Variants in HPSE2 observed in about 807,000 individuals in gnomAD.
HPSE2 encodes heparanase 2 (inactive).
A neutral mutation model predicts 60.5 loss-of-function variants in HPSE2; 38 were observed. The observed-to-expected ratio is 0.63, with a 90% CI of 0.48 to 0.82. HPSE2 has a LOEUF of 0.82. Among genes scored for constraint, HPSE2 ranks in the 40% least tolerant of loss-of-function variants. The pLI is 0.00. For missense variants in HPSE2, 713 were observed against 740.4 expected, an observed-to-expected ratio of 0.96 and a Z score of 0.43; for synonymous variants, 295 against 293.2, an observed-to-expected ratio of 1.01 and a Z score of -0.06.
At chr10:98,646,336 A>T (rs1313960951) in intron 6 of HPSE2, among the ~76,000 whole-genome samples, 27 of 147,428 alleles carry the variant, frequency 1.8e-4, no homozygotes, top group African/African-American at 6.7e-4. Context: ...TTTTTTTTTT[A>T]AAAAAACCCT....
chr10:99,244,257 T>C, the HPSE2 span, among the ~76,000 whole-genome samples: 1 of 152,002 alleles, frequency 6.6e-6, no homozygotes, highest in African/African-American at 2.4e-5. Flanking sequence ...GACCTCGTGA[T>C]CCGCCCACCT....
rs1257953073 is a variant in HPSE2, at chr10:98,744,012, G to T, written c.655C>A (p.Leu219Ile). ...GCATTTAGAGCAAATATCAGGTGGA[G>T]TCCAGAGCAATCAGCAAAGTTATAA... ...KLYNFADCSG[L>I]HLIFALNALR... is the part of the protein sequence containing the mutation. The change falls in exon 4 of 12, where the codon CTC becomes ATC. Residue 219 changes from leucine to isoleucine, a missense_variant. Coordinates refer to ENST00000370552, the MANE Select transcript of HPSE2 (RefSeq NM_021828.5). 6.2e-7 allele frequency: 1 copy of T among 1,614,132 alleles called. No individual in the cohort carries two copies. The highest frequency in any genetic ancestry group is 2.2e-5 in the East Asian group (1 of 44,880).
At chr10:98,997,508 G>A (rs1956676434) in intron 3 of HPSE2, among the ~76,000 whole-genome samples, 1 of 152,068 alleles carries the variant, frequency 6.6e-6, no homozygotes, top group Non-Finnish European at 1.5e-5. Context: ...AAGTCTAACT[G>A]GATTATATAC....
chr10:98,819,509 C>T (rs748960707), intron 3 of HPSE2, among the ~76,000 whole-genome samples: 2 of 150,162 alleles, frequency 1.3e-5, no homozygotes, highest in African/African-American at 4.9e-5. Context: ...TGGCCATTAC[C>T]TTTTCCCATA....
intron 11 of HPSE2, among the ~76,000 whole-genome samples, chr10:98,473,771 GCA>G (rs1940884712): frequency 6.6e-6 from 1 of 152,078 alleles, no homozygotes; most frequent in African/African-American, 2.4e-5. Context: ...AGTAGAAAGG[GCA>G]AGAAAACACC....
At chr10:98,839,368 G>C (rs1951861046) in intron 3 of HPSE2, among the ~76,000 whole-genome samples, 1 of 152,110 alleles carries the variant, frequency 6.6e-6, no homozygotes, top group African/African-American at 2.4e-5. Flanking sequence ...ATGTAAGATG[G>C]AGATTAGGCA....
At chr10:99,043,207 G>A (rs913932291) in intron 3 of HPSE2, among the ~76,000 whole-genome samples, 43 of 152,280 alleles carry the variant, frequency 2.8e-4, no homozygotes, top group Admixed American at 1.4e-3. Flanking sequence ...GCTGGAGGCC[G>A]GGCATGGTGG....
intron 3 of HPSE2, among the ~76,000 whole-genome samples, chr10:98,758,974 G>C (rs1243110857): frequency 6.6e-6 from 1 of 152,096 alleles, no homozygotes; most frequent in Non-Finnish European, 1.5e-5. Flanking sequence ...AGAAAATGTG[G>C]TATATACACA....
At chr10:98,800,666 T>C (rs983798475) in intron 3 of HPSE2, among the ~76,000 whole-genome samples, 3 of 151,664 alleles carry the variant, frequency 2.0e-5, no homozygotes, top group Non-Finnish European at 4.4e-5. Context: ...CCTACCAAGA[T>C]TGAACCATGA....
chr10:99,102,555 A>T (rs1009773163), intron 3 of HPSE2, among the ~76,000 whole-genome samples: 1 of 152,206 alleles, frequency 6.6e-6, no homozygotes, highest in Non-Finnish European at 1.5e-5. Flanking sequence ...CCAGCGGTAC[A>T]AGGAGGAGCT....
chr10:98,724,353 T>C (rs1242461900), intron 4 of HPSE2, among the ~76,000 whole-genome samples: 1 of 152,210 alleles, frequency 6.6e-6, no homozygotes, highest in Non-Finnish European at 1.5e-5. Flanking sequence ...TTTCTGTTCT[T>C]TGACATTTGC....
chr10:99,249,968 C>A, the HPSE2 span, among the ~76,000 whole-genome samples: 1 of 151,918 alleles, frequency 6.6e-6, no homozygotes, highest in Non-Finnish European at 1.5e-5. Context: ...ATGGTGAAAC[C>A]CTGTCTCTAC....
chr10:98,607,514 T>A (rs2133958819), intron 9 of HPSE2, among the ~76,000 whole-genome samples: 1 of 152,338 alleles, frequency 6.6e-6, no homozygotes, highest in Non-Finnish European at 1.5e-5. Flanking sequence ...GGGCTAGTAT[T>A]GCAGCCTGGT....
chr10:98,522,285 A>T (rs187054506), intron 9 of HPSE2, among the ~76,000 whole-genome samples: 45 of 151,924 alleles, frequency 3.0e-4, no homozygotes, highest in East Asian at 1.2e-3. Context: ...AAAATAATTT[A>T]AAAAAAAGAA....
intron 3 of HPSE2, among the ~76,000 whole-genome samples, chr10:98,831,447 C>T (rs1951682103): frequency 6.6e-6 from 1 of 152,124 alleles, no homozygotes; most frequent in African/African-American, 2.4e-5. Context: ...GGGAATGAAC[C>T]CCATCCTATA....
chr10:99,287,982 G>A, the HPSE2 span, among the ~76,000 whole-genome samples: 2 of 152,210 alleles, frequency 1.3e-5, no homozygotes, highest in Non-Finnish European at 2.9e-5. Context: ...TCTAGAAGCT[G>A]TAGCTAAAGG....
the HPSE2 span, among the ~76,000 whole-genome samples, chr10:99,302,098 A>G: frequency 3.3e-5 from 5 of 151,940 alleles, no homozygotes; most frequent in African/African-American, 1.2e-4. Context: ...GAGGGAGTAA[A>G]AAGGGTGGGT....
intron 2 of HPSE2, among the ~76,000 whole-genome samples, chr10:99,215,143 T>G (rs1849076528): frequency 6.6e-6 from 1 of 152,106 alleles, no homozygotes; most frequent in African/African-American, 2.4e-5. Flanking sequence ...TAAAAACACA[T>G]GCACCCATAT....
chr10:98,626,121 AAAG>A (rs1190050472), intron 7 of HPSE2, among the ~76,000 whole-genome samples: 1,149 of 96,142 alleles, frequency 0.012, 35 homozygotes, highest in African/African-American at 0.036. Flanking sequence ...AAAAAAAGAA[AAAG>A]AAAAAAGAAA....
Sources: gnomAD v4.1 joint callset for allele counts (sites outside exome capture counted in the v4.1 genomes callset) on GRCh38, gnomAD v4.1.1 for gene constraint, MANE v1.5 for transcripts, NCBI Gene and HGNC (gene_info 2026-07-23, HGNC 2026-07-21) for gene names.